Variants in DENND11 observed in about 807,000 individuals in gnomAD.
DENND11 encodes the protein DENN domain containing 11.
Under a neutral mutation model 49.2 loss-of-function variants are expected in DENND11, and 34 were observed. The observed-to-expected ratio is 0.69, with a 90% CI of 0.53 to 0.92. The LOEUF (loss-of-function observed/expected upper bound fraction) is 0.92. Ranked by LOEUF, DENND11 falls within the 40% of genes least tolerant of loss-of-function variation. The probability of loss-of-function intolerance (pLI) is 0.00; values close to 1 mark genes in which losing one functional copy is unlikely to be tolerated. For synonymous variants in DENND11, 238 were observed against 230.3 expected (o/e 1.03, Z -0.30); for missense variants, 475 against 581.6 (o/e 0.82, Z 1.88).
chr7:141,697,676 C>T (rs1163282881), intron 1 of DENND11, among the ~76,000 whole-genome samples: 1 of 152,136 alleles, frequency 6.6e-6, no homozygotes, highest in Non-Finnish European at 1.5e-5. Context: ...ATGACCTGGG[C>T]AGCGCTCCAA....
At chr7:141,678,824 G>A (rs955993894) in intron 3 of DENND11, among the ~76,000 whole-genome samples, 2 of 152,156 alleles carry the variant, frequency 1.3e-5, no homozygotes, top group African/African-American at 4.8e-5. Context: ...CCGTTGGTTT[G>A]TTTGAATTGA....
chr7:141,686,445 C>T, intron 2 of DENND11, 114 bp downstream of exon 2: 1 of 659,626 alleles, frequency 1.5e-6, no homozygotes, highest in Non-Finnish European at 2.7e-6. Context: ...CATGTATTTT[C>T]AAGGCATTTA....
intron 1 of DENND11, among the ~76,000 whole-genome samples, chr7:141,696,143 C>T (rs770621084): frequency 3.3e-5 from 5 of 152,226 alleles, no homozygotes; most frequent in Admixed American, 6.5e-5. Context: ...CCTGCCACTT[C>T]ACAGCTCCAA....
intron 1 of DENND11, among the ~76,000 whole-genome samples, chr7:141,699,946 C>G (rs73518088): frequency 0.062 from 9,472 of 151,608 alleles, 724 homozygotes; most frequent in African/African-American, 0.18. Flanking sequence ...ACACACACTC[C>G]GTATACACAA....
chr7:141,701,716 G>A (rs894156897), intron 1 of DENND11, 170 bp downstream of exon 1: 42 of 447,328 alleles, frequency 9.4e-5, no homozygotes, highest in African/African-American at 2.1e-5. Context: ...AGAGAGCTGA[G>A]GACTGGCCGA....
intron 3 of DENND11, among the ~76,000 whole-genome samples, chr7:141,674,429 A>G (rs1204910457): frequency 6.6e-6 from 1 of 152,180 alleles, no homozygotes; most frequent in Non-Finnish European, 1.5e-5. Context: ...AAGTTCAAAC[A>G]TGGGCCTGAA....
At chr7:141,670,903 G>A (rs12703402) in intron 4 of DENND11, among the ~76,000 whole-genome samples, 112 of 152,208 alleles carry the variant, frequency 7.4e-4, no homozygotes, top group African/African-American at 2.4e-3. Context: ...ACATGGGAAC[G>A]TGAGCATCTG....
chr7:141,687,716 G>A (rs1798266821), intron 1 of DENND11, among the ~76,000 whole-genome samples: 1 of 148,324 alleles, frequency 6.7e-6, no homozygotes, highest in African/African-American at 2.5e-5. Context: ...CTCAATGCAA[G>A]CTCCGCCTCC....
chr7:141,682,381 A>G (rs1365882486), intron 3 of DENND11, among the ~76,000 whole-genome samples: 1 of 152,192 alleles, frequency 6.6e-6, no homozygotes, highest in Non-Finnish European at 1.5e-5. Flanking sequence ...GTTTGTAACC[A>G]ATGCCCCAGA....
chr7:141,669,560 A>C (rs1482412658), intron 4 of DENND11, among the ~76,000 whole-genome samples: 3 of 151,894 alleles, frequency 2.0e-5, no homozygotes, highest in Admixed American at 1.3e-4. Flanking sequence ...GCTTTTCTTT[A>C]TACGTGTGTT....
chr7:141,681,099 T>C (rs1798140907), intron 3 of DENND11, among the ~76,000 whole-genome samples: 1 of 152,178 alleles, frequency 6.6e-6, no homozygotes, highest in Non-Finnish European at 1.5e-5. Flanking sequence ...CTTGTTACAC[T>C]TGTAGCAAAA....
At position 141,660,857 on chromosome 7, in the gene DENND11, TAAAC is replaced by T. The variant is rs1797780356; in HGVS notation, c.*1795_*1798del. 6.6e-6 allele frequency: 1 copy of T among 152,622 alleles called. No individual in the cohort carries two copies. The highest frequency in any genetic ancestry group is 1.5e-5 in the Non-Finnish European group (1 of 68,034). The allele number at this position is 152,622 out of a possible 1,614,324, so 9.5% of individuals were successfully genotyped here. A position where few individuals can be genotyped will look rare whatever the true frequency, so the allele number is the denominator to read the frequency against. Reference sequence around the variant, plus strand: ...GAAACACAGATTTTTTTTTCTTTTGTAAACATACACATTACTGAAATGACAGCAA... The same window carrying T: ...GAAACACAGATTTTTTTTTCTTTTGTATACACATTACTGAAATGACAGCAA... On this transcript the variant is annotated 3_prime_UTR_variant, in exon 9 of 9. Transcript: ENST00000536163.
In DENND11 at chr7:141,659,727, A is replaced by T. The variant is rs1797759410; in HGVS notation, c.*2929T>A. ...CTTCACAGGAGAACTAGGCCTGCTC[A>T]GGCAGGCGAGGGCTGAGGCCCGGCA... is the stretch of plus-strand genomic sequence containing the variant. On this transcript the variant is annotated 3_prime_UTR_variant, in exon 9 of 9. Coordinates refer to ENST00000536163, the MANE Select transcript of DENND11 (RefSeq NM_001080392.2). 6.6e-6 allele frequency: 1 copy of T among 152,418 alleles called. No individual in the cohort carries two copies. Among genetic ancestry groups the T allele is most frequent in the South Asian group, 2.1e-4 (1 of 4,828 alleles). The allele number at this position is 152,418 out of a possible 1,614,324, so 9.4% of individuals were successfully genotyped here. A position where few individuals can be genotyped will look rare whatever the true frequency, so the allele number is the denominator to read the frequency against.
intron 1 of DENND11, among the ~76,000 whole-genome samples, chr7:141,688,654 C>A (rs1046522805): frequency 6.6e-6 from 1 of 152,180 alleles, no homozygotes; most frequent in Non-Finnish European, 1.5e-5. Flanking sequence ...AGTTCCCCCA[C>A]GCTTTCCTAT....
intron 4 of DENND11, among the ~76,000 whole-genome samples, chr7:141,672,082 G>A (rs780770794): frequency 1.4e-4 from 21 of 152,198 alleles, no homozygotes; most frequent in Non-Finnish European, 2.8e-4. Context: ...AGCACACGTG[G>A]AGCCACACCT....
At position 141,702,100 on chromosome 7, in the gene DENND11, G is replaced by T. The variant is rs1267347337; in HGVS notation, c.54C>A (p.Ala18=). 3.0e-6 allele frequency: 3 copies of T among 984,628 alleles called. No individual in the cohort carries two copies. The highest frequency in any genetic ancestry group is 4.6e-5 in the South Asian group (1 of 21,938). 61.0% of individuals were successfully genotyped at this position (984,628 alleles called of 1,614,324 possible). Residue 18 remains alanine, a synonymous_variant, in exon 1 of 9, where the codon GCC becomes GCA. Transcript: ENST00000536163. ...APLLRWAEGP[A]VSLPQAPQPQ... is the part of the protein sequence containing the mutation. ...GCTGCGGGGCCTGCGGCAGGGAGACGGCGGGGCCCTCGGCCCAGCGCAGCA... is the reference window on the plus strand; with the variant it reads ...GCTGCGGGGCCTGCGGCAGGGAGACTGCGGGGCCCTCGGCCCAGCGCAGCA...
At chr7:141,701,327 A>T (rs1483070196) in intron 1 of DENND11, among the ~76,000 whole-genome samples, 2 of 150,498 alleles carry the variant, frequency 1.3e-5, no homozygotes, top group Non-Finnish European at 3.0e-5. Context: ...GGCCGCTAGG[A>T]AAGTTACCCC....
chr7:141,686,740 C>G (rs1330425910), intron 1 of DENND11, 82 bp from the exon 2 acceptor site: 1 of 925,302 alleles, frequency 1.1e-6, no homozygotes, highest in African/African-American at 1.6e-5. Flanking sequence ...GCACACATGG[C>G]TTTTCAATAA....
At position 141,661,136 on chromosome 7, in the gene DENND11, T is replaced by C. The variant is rs1797786122; in HGVS notation, c.*1520A>G. ...TGAACCACCATTTGAATGTTATTTC[T>C]CCCTGCTGTGTACATTAGTCTGGCT... On this transcript the variant is annotated 3_prime_UTR_variant, in exon 9 of 9. Transcript: ENST00000536163. 1 of 152,218 alleles carries C rather than the reference T, an allele frequency of 6.6e-6. No individual in the cohort carries two copies. The highest frequency in any genetic ancestry group is 1.5e-5 in the Non-Finnish European group (1 of 68,040). 9.4% of individuals were successfully genotyped at this position (152,218 alleles called of 1,614,324 possible). A position where few individuals can be genotyped will look rare whatever the true frequency, so the allele number is the denominator to read the frequency against.
Sources: allele counts gnomAD v4.1 joint callset (sites outside exome capture counted in the v4.1 genomes callset), GRCh38; gene constraint gnomAD v4.1.1; transcripts MANE v1.5; gene names NCBI Gene and HGNC (gene_info 2026-07-23, HGNC 2026-07-21).